Variants in AKAP6 observed in about 807,000 individuals in gnomAD.
AKAP6 encodes the protein A-kinase anchoring protein 6.
Under a neutral mutation model 188.5 loss-of-function variants are expected in AKAP6, and 58 were observed. The ratio of observed to expected loss-of-function variants is 0.31; its 90% confidence interval spans 0.25 to 0.38. The LOEUF is 0.38. AKAP6 is among the 10% of genes least tolerant of loss of function. The pLI is 1.00. For missense variants in AKAP6, 2,710 were observed against 2,740.0 expected (o/e 0.99, Z 0.24); for synonymous variants, 989 against 998.6 (o/e 0.99, Z 0.18).
chr14:32,475,864 T>C (rs960548802), intron 2 of AKAP6, among the ~76,000 whole-genome samples: 3 of 151,640 alleles, frequency 2.0e-5, no homozygotes, highest in Admixed American at 2.0e-4. Context: ...ATTTTTTTTT[T>C]AGTAGAGAAG....
chr14:32,451,715 G>C (rs576463574), intron 2 of AKAP6, among the ~76,000 whole-genome samples: 32 of 152,074 alleles, frequency 2.1e-4, no homozygotes, highest in Non-Finnish European at 3.1e-4. Context: ...GCCCAATATG[G>C]TAGCCACTAG....
chr14:32,682,248 A>G (rs1030823072), intron 8 of AKAP6, among the ~76,000 whole-genome samples: 2 of 152,200 alleles, frequency 1.3e-5, no homozygotes, highest in African/African-American at 2.4e-5. Flanking sequence ...TTGAGCACCT[A>G]CAAAGACATA....
At chr14:32,738,803 A>G (rs2031549213) in intron 11 of AKAP6, among the ~76,000 whole-genome samples, 1 of 152,186 alleles carries the variant, frequency 6.6e-6, no homozygotes, top group Admixed American at 6.6e-5. Flanking sequence ...TAAAAGCCGG[A>G]TAATAGTATA....
At chr14:32,442,175 T>C (rs1200597308) in intron 2 of AKAP6, among the ~76,000 whole-genome samples, 1 of 152,214 alleles carries the variant, frequency 6.6e-6, no homozygotes, top group Admixed American at 6.5e-5. Flanking sequence ...AATCACCCTC[T>C]GTTAGAAATG....
chr14:32,645,444 T>A (rs1209521027), intron 7 of AKAP6, among the ~76,000 whole-genome samples: 5 of 152,212 alleles, frequency 3.3e-5, no homozygotes, highest in East Asian at 1.9e-4. Flanking sequence ...TTCTATTTTT[T>A]AAATTTATTT....
At chr14:32,637,361 G>T (rs938330057) in intron 7 of AKAP6, among the ~76,000 whole-genome samples, 5 of 152,060 alleles carry the variant, frequency 3.3e-5, no homozygotes, top group African/African-American at 1.2e-4. Flanking sequence ...AAGGCCAGAA[G>T]CCAGATTGTA....
chr14:32,582,629 T>C (rs965478516), intron 5 of AKAP6, among the ~76,000 whole-genome samples: 6 of 152,242 alleles, frequency 3.9e-5, no homozygotes, highest in Non-Finnish European at 7.3e-5. Context: ...GGTACACCAA[T>C]CAGACGTAGA....
intron 1 of AKAP6, among the ~76,000 whole-genome samples, chr14:32,426,039 G>T (rs1477254029): frequency 6.6e-6 from 1 of 152,086 alleles, no homozygotes; most frequent in Non-Finnish European, 1.5e-5. Flanking sequence ...TGTTAGGAAG[G>T]GTCCAGTTTT....
At chr14:32,752,766 T>C (rs574070868) in intron 11 of AKAP6, among the ~76,000 whole-genome samples, 1 of 152,326 alleles carries the variant, frequency 6.6e-6, no homozygotes, top group African/African-American at 2.4e-5. Flanking sequence ...TACATATAAA[T>C]GAGATCACGC....
At chr14:32,727,838 A>G (rs976401126) in intron 9 of AKAP6, among the ~76,000 whole-genome samples, 1 of 152,248 alleles carries the variant, frequency 6.6e-6, no homozygotes, top group Non-Finnish European at 1.5e-5. Flanking sequence ...TTTGCAAGAA[A>G]TAACAACTAT....
chr14:32,645,076 G>A (rs1042878035), intron 7 of AKAP6, among the ~76,000 whole-genome samples: 1 of 152,130 alleles, frequency 6.6e-6, no homozygotes, highest in Non-Finnish European at 1.5e-5. Context: ...ACAGCTAAAG[G>A]TGGTGCTATT....
chr14:32,580,033 C>A (rs1036090534), intron 5 of AKAP6, among the ~76,000 whole-genome samples: 1 of 151,920 alleles, frequency 6.6e-6, no homozygotes, highest in Admixed American at 6.6e-5. Flanking sequence ...CTGGCAACCT[C>A]CAATATTTAT....
chr14:32,764,676 AATAG>A (rs1398975825), intron 11 of AKAP6, among the ~76,000 whole-genome samples: 1 of 145,934 alleles, frequency 6.9e-6, no homozygotes. Flanking sequence ...TCGTTTGTCA[AATAG>A]ATAGATGACA....
rs7146202 is a variant in AKAP6, at chr14:32,834,311, A to G, written c.*4506A>G. ...TGAGGCAGGAGAATTGCTTGAAGCC[A>G]GGAGGCAGAGGTTGCAGTGAGCCGA... is the stretch of plus-strand genomic sequence containing the variant. On this transcript the variant is annotated 3_prime_UTR_variant, in exon 14 of 14. Coordinates refer to ENST00000280979, the MANE Select transcript of AKAP6 (RefSeq NM_004274.5). 0.46 allele frequency: 70,414 copies of G among 151,714 alleles called. 17,625 individuals are homozygous for G. The highest frequency in any genetic ancestry group is 0.56 in the Non-Finnish European group (38,234 of 67,844). 9.4% of individuals were successfully genotyped at this position (151,714 alleles called of 1,614,324 possible).
intron 11 of AKAP6, among the ~76,000 whole-genome samples, chr14:32,738,856 G>A (rs961100696): frequency 6.6e-6 from 1 of 152,112 alleles, no homozygotes; most frequent in African/African-American, 2.4e-5. Flanking sequence ...TAGTGCAAAA[G>A]CAGCCACAGA....
intron 12 of AKAP6, among the ~76,000 whole-genome samples, chr14:32,777,395 G>C (rs2033102189): frequency 6.6e-6 from 1 of 152,110 alleles, no homozygotes; most frequent in South Asian, 2.1e-4. Context: ...ACAGAGTATA[G>C]AATTGGTAGA....
At chr14:32,420,617 C>A (rs1485412025) in intron 1 of AKAP6, among the ~76,000 whole-genome samples, 1 of 152,164 alleles carries the variant, frequency 6.6e-6, no homozygotes, top group African/African-American at 2.4e-5. Context: ...ACCCCCAATT[C>A]TCTACTAGTT....
intron 9 of AKAP6, among the ~76,000 whole-genome samples, chr14:32,717,631 C>CACACACACAT (rs1388188992): frequency 2.0e-5 from 3 of 151,852 alleles, no homozygotes; most frequent in African/African-American, 7.3e-5. Flanking sequence ...CACACACACA[C>CACACACACAT]ACACATTCTG....
intron 9 of AKAP6, among the ~76,000 whole-genome samples, chr14:32,715,293 T>C (rs2139766208): frequency 6.6e-6 from 1 of 152,178 alleles, no homozygotes; most frequent in South Asian, 2.1e-4. Context: ...ATTTTACTTT[T>C]ACTTAAAAGG....
Sources: gnomAD v4.1 joint callset for allele counts (sites outside exome capture counted in the v4.1 genomes callset) on GRCh38, gnomAD v4.1.1 for gene constraint, MANE v1.5 for transcripts, NCBI Gene and HGNC (gene_info 2026-07-23, HGNC 2026-07-21) for gene names.